MYPN: variants seen among roughly 807,000 people sequenced by gnomAD.
MYPN encodes the protein sarcomeric protein myopalladin, 145 kDa (MYOP).
MYPN carries 63 observed loss-of-function variants against 129.4 expected under a neutral mutation model. That is an observed-to-expected ratio of 0.49 (90% CI 0.40 to 0.60). The LOEUF is 0.60. Among genes scored for constraint, MYPN ranks in the 20% least tolerant of loss-of-function variants. The pLI is 0.00. For synonymous variants in MYPN, 629 were observed against 600.9 expected (o/e 1.05, Z -0.68); for missense variants, 1,596 against 1,635.4 (o/e 0.98, Z 0.42).
At position 68,210,513 on chromosome 10, in the gene MYPN, G is replaced by T; in HGVS notation, c.*58G>T. On this transcript the variant is annotated 3_prime_UTR_variant, in exon 20 of 20. Transcript: ENST00000358913. The stretch of plus-strand genomic sequence containing the variant: ...GACTGTGGAGGGGGAATGAGAACAA[G>T]CCAGACTTGGTGGTTTCCAAGCAAC... The T allele has an allele frequency of 1.9e-6, 3 of 1,602,624 alleles. No homozygotes were observed. Among genetic ancestry groups the T allele is most frequent in the Non-Finnish European group, 2.6e-6 (3 of 1,173,772 alleles).
chr10:68,197,965 C>T (rs1344596990), intron 16 of MYPN, among the ~76,000 whole-genome samples: 3 of 152,038 alleles, frequency 2.0e-5, no homozygotes, highest in African/African-American at 4.8e-5. Flanking sequence ...TGGAGTAAGA[C>T]GGCATGAGAT....
At chr10:68,101,690 T>G (rs2041982635), upstream of MYPN, among the ~76,000 whole-genome samples, 1 of 152,162 alleles carries the variant, frequency 6.6e-6, no homozygotes, top group South Asian at 2.1e-4. Context: ...GTCTTTTAGT[T>G]GGTGGATTTA....
chr10:68,202,244 A>T (rs1050741808), intron 18 of MYPN, among the ~76,000 whole-genome samples: 2 of 152,158 alleles, frequency 1.3e-5, no homozygotes, highest in Admixed American at 1.3e-4. Flanking sequence ...CATCCTGGCT[A>T]ACATAGTGAA....
At chr10:68,209,388 G>A (rs1187596522) in intron 19 of MYPN, among the ~76,000 whole-genome samples, 1 of 152,178 alleles carries the variant, frequency 6.6e-6, no homozygotes, top group Non-Finnish European at 1.5e-5. Context: ...TTACTTTTCA[G>A]TCTTCTTGCT....
chr10:68,138,145 C>A (rs2042516611), intron 2 of MYPN, among the ~76,000 whole-genome samples: 1 of 147,916 alleles, frequency 6.8e-6, no homozygotes, highest in African/African-American at 2.5e-5. Flanking sequence ...TCACGTCGTG[C>A]AGGCTGGGGT....
intron 1 of MYPN, among the ~76,000 whole-genome samples, chr10:68,111,669 G>A (rs1216588205): frequency 6.6e-6 from 1 of 152,220 alleles, no homozygotes; most frequent in Non-Finnish European, 1.5e-5. Flanking sequence ...TTTTTGGTGG[G>A]AACAAAGGTT....
chr10:68,096,745 G>A (rs577267516), intron 1 of MYPN, among the ~76,000 whole-genome samples: 2 of 152,186 alleles, frequency 1.3e-5, no homozygotes, highest in East Asian at 1.9e-4. Flanking sequence ...GCATTCAACG[G>A]TAGTCTATTA....
At chr10:68,177,163 C>A (rs2043239908) in intron 12 of MYPN, among the ~76,000 whole-genome samples, 1 of 152,156 alleles carries the variant, frequency 6.6e-6, no homozygotes, top group Non-Finnish European at 1.5e-5. Context: ...CTCTTAGTTA[C>A]CTGACATGTG....
intron 2 of MYPN, among the ~76,000 whole-genome samples, chr10:68,135,003 G>T (rs1479631451): frequency 6.6e-6 from 1 of 151,890 alleles, no homozygotes; most frequent in Non-Finnish European, 1.5e-5. Context: ...CCAGGCTGGA[G>T]TACAGTGCCA....
intron 7 of MYPN, among the ~76,000 whole-genome samples, chr10:68,160,816 C>G (rs1021322332): frequency 1.3e-5 from 2 of 151,968 alleles, no homozygotes; most frequent in Admixed American, 1.3e-4. Context: ...ACGCAGGAGC[C>G]TGAGGTAGGA....
At chr10:68,174,773 CT>C in intron 11 of MYPN, 117 bp downstream of exon 11, 3 of 952,880 alleles carry the variant, frequency 3.1e-6, no homozygotes, top group Non-Finnish European at 4.9e-6. Flanking sequence ...ATCTTATTCT[CT>C]TAGGCACAGA....
chr10:68,093,314 A>G (rs1047499553), intron 1 of MYPN, among the ~76,000 whole-genome samples: 2 of 152,218 alleles, frequency 1.3e-5, no homozygotes, highest in African/African-American at 4.8e-5. Flanking sequence ...AATTCTTGAC[A>G]AAACCATGGC....
intron 13 of MYPN, among the ~76,000 whole-genome samples, chr10:68,193,071 G>A (rs1438556527): frequency 1.3e-5 from 2 of 150,170 alleles, no homozygotes; most frequent in Admixed American, 1.3e-4. Flanking sequence ...TTTTGAATTT[G>A]GTTTGTTCTT....
At chr10:68,168,991 TAAAAAAAAAAAAAA>T (rs71009012) in intron 10 of MYPN, among the ~76,000 whole-genome samples, 21 of 80,330 alleles carry the variant, frequency 2.6e-4, no homozygotes, top group East Asian at 1.7e-3. Context: ...GATTATTTCT[TAAAAAAAAAAAAAA>T]AAAAAAAAAA....
At chr10:68,170,328 C>G (rs2043125663) in intron 10 of MYPN, among the ~76,000 whole-genome samples, 1 of 152,168 alleles carries the variant, frequency 6.6e-6, no homozygotes, top group African/African-American at 2.4e-5. Context: ...AAACATAGTT[C>G]TCAGCACTAT....
At chr10:68,089,620 C>G (rs899236796) in intron 1 of MYPN, among the ~76,000 whole-genome samples, 1 of 152,162 alleles carries the variant, frequency 6.6e-6, no homozygotes, top group Non-Finnish European at 1.5e-5. Flanking sequence ...GCTGGGATTA[C>G]AGGCGTGAGC....
At chr10:68,182,832 C>A (rs2043359926) in intron 12 of MYPN, among the ~76,000 whole-genome samples, 1 of 152,058 alleles carries the variant, frequency 6.6e-6, no homozygotes, top group African/African-American at 2.4e-5. Context: ...TTTAAAAACT[C>A]ATTGAGTTCT....
At chr10:68,110,253 TTCTC>T (rs140449918) in intron 1 of MYPN, among the ~76,000 whole-genome samples, 5 of 147,742 alleles carry the variant, frequency 3.4e-5, no homozygotes, top group Admixed American at 6.7e-5. Context: ...TCTTTCTCCT[TTCTC>T]TCTCTCTCTC....
At chr10:68,093,033 CAG>C (rs1296139524) in intron 1 of MYPN, among the ~76,000 whole-genome samples, 2 of 152,074 alleles carry the variant, frequency 1.3e-5, no homozygotes, top group Non-Finnish European at 2.9e-5. Flanking sequence ...TATCTGAAAA[CAG>C]ATAATTTTTA....
Sources: allele counts gnomAD v4.1 joint callset (sites outside exome capture counted in the v4.1 genomes callset), GRCh38; gene constraint gnomAD v4.1.1; transcripts MANE v1.5; gene names NCBI Gene and HGNC (gene_info 2026-07-23, HGNC 2026-07-21).